The following GRIK4 variants were observed in gnomAD, a reference collection of about 807,000 sequenced individuals.
GRIK4 encodes the protein glutamate receptor ionotropic, kainate 4.
GRIK4 carries 40 observed loss-of-function variants against 104.9 expected under a neutral mutation model. The ratio of observed to expected loss-of-function variants is 0.38; its 90% CI spans 0.30 to 0.50. The LOEUF is 0.50. GRIK4 is among the 20% of genes least tolerant of loss of function. GRIK4 has a pLI of 0.93. For synonymous variants in GRIK4, 485 were observed against 524.9 expected (o/e 0.92, Z 1.04); for missense variants, 1,047 against 1,308.1 (o/e 0.80, Z 3.08).
chr11:120,669,867 A>G (rs982886218), intron 3 of GRIK4, among the ~76,000 whole-genome samples: 1 of 152,088 alleles, frequency 6.6e-6, no homozygotes, highest in Non-Finnish European at 1.5e-5. Context: ...TATGCTTATG[A>G]CTCTCTAATC....
chr11:120,934,195 A>C (rs1313469565), intron 13 of GRIK4, among the ~76,000 whole-genome samples: 1 of 124,190 alleles, frequency 8.1e-6, no homozygotes, highest in African/African-American at 3.4e-5. Context: ...ACAGAGCGAG[A>C]CTCCGTCTCA....
chr11:120,533,001 G>A (rs1288665567), intron 1 of GRIK4, among the ~76,000 whole-genome samples: 1 of 152,208 alleles, frequency 6.6e-6, no homozygotes, highest in Non-Finnish European at 1.5e-5. Flanking sequence ...AGACAGAGAA[G>A]TAAACAGATG....
rs763007288 is a variant in GRIK4 at position 120,806,140 on chromosome 11, T to C, written c.247+3283T>C. On this transcript the variant is annotated intron_variant, in intron 4 of 20. Coordinates refer to ENST00000527524, the MANE Select transcript of GRIK4 (RefSeq NM_014619.5). ...GCAGGACTTCAGGAAGTGGCAGCTG[T>C]GGCTTTTGTTGTTGGCTTCATTCTC... is the stretch of plus-strand genomic sequence containing the variant. Among the ~76,000 whole-genome samples the C allele has an allele frequency of 1.4e-4, 22 of 152,280 alleles. No homozygotes were observed. In the South Asian group the frequency reaches 2.5e-3, roughly 17 times the overall value.
chr11:120,733,165 C>A (rs1045538487), intron 3 of GRIK4, among the ~76,000 whole-genome samples: 3 of 152,068 alleles, frequency 2.0e-5, no homozygotes, highest in African/African-American at 7.2e-5. Context: ...TACTTCTGCT[C>A]TTTTTTGGTT....
intron 20 of GRIK4, among the ~76,000 whole-genome samples, chr11:120,985,414 T>C (rs1676710149): frequency 2.0e-5 from 3 of 152,172 alleles, no homozygotes; most frequent in Admixed American, 1.3e-4. Flanking sequence ...CTATAACCAG[T>C]TGGCTAAAAG....
At chr11:120,691,046 G>C (rs1458968233) in intron 3 of GRIK4, among the ~76,000 whole-genome samples, 1 of 152,140 alleles carries the variant, frequency 6.6e-6, no homozygotes, top group Non-Finnish European at 1.5e-5. Flanking sequence ...GAACAAGAAA[G>C]CCAAAATTCC....
At chr11:120,635,647 G>A (rs1377192507) in intron 1 of GRIK4, among the ~76,000 whole-genome samples, 3 of 152,226 alleles carry the variant, frequency 2.0e-5, no homozygotes, top group African/African-American at 4.8e-5. Context: ...AGAGTGAATG[G>A]GGTGTGATGA....
chr11:120,549,159 C>T lies in GRIK4; in HGVS notation c.-159+37272C>T, dbSNP rs11600436. ...TGTTGCCCAGGCTGGAGTGCAGTGG[C>T]GTGATCTCAGCTCACTGCAACCTCT... On this transcript the variant is annotated intron_variant, in intron 1 of 20. Transcript: ENST00000527524. The surrounding 1 kb of genome is among the most constrained non-coding windows in gnomAD (Gnocchi z 4.7). 0.29 allele frequency among the ~76,000 whole-genome samples: 43,712 copies of T among 151,700 alleles called. 7,320 individuals carry two copies. The highest frequency in any genetic ancestry group is 0.38 in the Non-Finnish European group (26,068 of 67,866).
chr11:120,724,816 G>T (rs1023666150), intron 3 of GRIK4, among the ~76,000 whole-genome samples: 3 of 152,156 alleles, frequency 2.0e-5, no homozygotes, highest in Non-Finnish European at 4.4e-5. Context: ...TACCAAAATT[G>T]TGCACCATTT....
At chr11:120,856,481 G>T (rs1057355198) in intron 8 of GRIK4, among the ~76,000 whole-genome samples, 1 of 152,170 alleles carries the variant, frequency 6.6e-6, no homozygotes, top group East Asian at 1.9e-4. Flanking sequence ...AACCTGGAGG[G>T]GTTGGAAAGG....
intron 1 of GRIK4, among the ~76,000 whole-genome samples, chr11:120,637,361 C>T (rs1256212083): frequency 6.6e-6 from 1 of 152,036 alleles, no homozygotes; most frequent in African/African-American, 2.4e-5. Flanking sequence ...GTTTTTTTTC[C>T]CCCCTGGCAC....
chr11:120,815,107 A>G (rs535001297), intron 4 of GRIK4, among the ~76,000 whole-genome samples: 2 of 152,318 alleles, frequency 1.3e-5, no homozygotes, highest in East Asian at 3.9e-4. Flanking sequence ...CAGACAATTT[A>G]TACACCCTGT....
intron 1 of GRIK4, among the ~76,000 whole-genome samples, chr11:120,636,280 G>A (rs1017988914): frequency 6.6e-6 from 1 of 152,144 alleles, no homozygotes; most frequent in African/African-American, 2.4e-5. Flanking sequence ...CCTGGGAACC[G>A]TCTTCTGACC....
At chr11:120,732,430 CA>C (rs1428330009) in intron 3 of GRIK4, among the ~76,000 whole-genome samples, 1 of 152,158 alleles carries the variant, frequency 6.6e-6, no homozygotes, top group African/African-American at 2.4e-5. Flanking sequence ...CATGCCCAGC[CA>C]ACTTTTCTAG....
intron 1 of GRIK4, among the ~76,000 whole-genome samples, chr11:120,554,581 C>T (rs2136097870): frequency 6.6e-6 from 1 of 150,462 alleles, no homozygotes; most frequent in Middle Eastern, 3.4e-3. Flanking sequence ...TTTTTTGAGA[C>T]AGGAGCTCGC....
At chr11:120,828,633 G>A (rs1477270699) in intron 6 of GRIK4, among the ~76,000 whole-genome samples, 3 of 152,188 alleles carry the variant, frequency 2.0e-5, no homozygotes, top group Non-Finnish European at 4.4e-5. Context: ...CCCAGACTGG[G>A]TTCTTTGTGC....
At position 120,757,835 on chromosome 11, in the gene GRIK4, G is replaced by C. The variant is rs569827565; in HGVS notation, c.83-44858G>C. Among the ~76,000 whole-genome samples, 183 of 152,236 alleles carry C rather than the reference G, an allele frequency of 1.2e-3. 1 individual carries two copies. Among genetic ancestry groups the C allele is most frequent in the African/African-American group, 4.3e-3 (177 of 41,562 alleles). Reference sequence around the variant, plus strand: ...GGCAGGATCACTCCGTTCCCACCCCGCACAGGGTGTGTTGGGAAAACATGA... The same window carrying C: ...GGCAGGATCACTCCGTTCCCACCCCCCACAGGGTGTGTTGGGAAAACATGA... On this transcript the variant is annotated intron_variant, in intron 3 of 20. Transcript: ENST00000527524.
chr11:120,874,007 C>T, intron 9 of GRIK4, 59 bp from the exon 10 acceptor site: 3 of 1,460,168 alleles, frequency 2.1e-6, no homozygotes, highest in Admixed American at 2.0e-5. Context: ...TCCCTCCCCT[C>T]CCTTTCTTCC....
intron 3 of GRIK4, among the ~76,000 whole-genome samples, chr11:120,700,248 T>C (rs887669606): frequency 2.0e-5 from 3 of 150,382 alleles, no homozygotes; most frequent in Non-Finnish European, 4.4e-5. Context: ...AAAGTTCCTA[T>C]AAGATTATAT....
Sources: gnomAD v4.1 joint callset for allele counts (sites outside exome capture counted in the v4.1 genomes callset) on GRCh38, gnomAD v4.1.1 for gene constraint, Gnocchi (gnomAD v3.1) non-coding constraint, MANE v1.5 for transcripts, NCBI Gene and HGNC (gene_info 2026-07-23, HGNC 2026-07-21) for gene names.